Variants in OTULINL observed in about 807,000 individuals in gnomAD.
OTULINL encodes the protein OTU deubiquitinase with linear linkage specificity like.
A neutral mutation model predicts 43.9 loss-of-function variants in OTULINL; 42 were observed. The observed-to-expected ratio is 0.96, with a 90% CI of 0.75 to 1.24. The LOEUF is 1.24. Ranked by LOEUF, OTULINL falls within the 50% of genes most tolerant of loss-of-function variation. The pLI, the probability that OTULINL is intolerant of heterozygous loss-of-function variation, is 0.00. For missense variants in OTULINL, 411 were observed against 426.4 expected (o/e 0.96, Z 0.32); for synonymous variants, 172 against 153.6 (o/e 1.12, Z -0.88).
In OTULINL at chr5:14,610,439, C is replaced by A. The variant is rs1759563082; in HGVS notation, c.*125C>A. On this transcript the variant is annotated 3_prime_UTR_variant, in exon 8 of 8. Coordinates refer to ENST00000274217, the MANE Select transcript of OTULINL (RefSeq NM_019018.3). The stretch of plus-strand genomic sequence containing the variant: ...AATTAGGACCTTTTCTTCAGGATTA[C>A]AGGTACACTGGATGCAGCCATGCAT... The A allele has an allele frequency of 2.1e-6, 2 of 950,366 alleles. No homozygotes were observed. The highest frequency in any genetic ancestry group is 3.1e-6 in the Non-Finnish European group (2 of 642,736). 58.9% of individuals were successfully genotyped at this position (950,366 alleles called of 1,614,324 possible). A position where few individuals can be genotyped will look rare whatever the true frequency, so the allele number is the denominator to read the frequency against.
intron 1 of OTULINL, 126 bp from the exon 2 acceptor site, chr5:14,600,839 T>C: frequency 1.2e-6 from 1 of 846,690 alleles, no homozygotes; most frequent in South Asian, 3.9e-5. Flanking sequence ...AAAATATTTA[T>C]GTAAATCAGT....
rs1323123349 is a variant in OTULINL at position 14,613,514 on chromosome 5, T to A, written c.*3200T>A. Among the ~76,000 whole-genome samples the A allele has an allele frequency of 1.3e-5, 2 of 152,192 alleles. No homozygotes were observed. The highest frequency in any genetic ancestry group is 4.8e-5 in the African/African-American group (2 of 41,440). On this transcript the variant is annotated 3_prime_UTR_variant, in exon 8 of 8. Transcript: ENST00000274217. ...GGGAGTCAGGAGGAGAGAGTTAGGT[T>A]AGTTAGTACAACCTAAGAGGGAGTT...
chr5:14,603,495 A>G (rs1369865460), intron 5 of OTULINL, among the ~76,000 whole-genome samples: 1 of 152,086 alleles, frequency 6.6e-6, no homozygotes, highest in Non-Finnish European at 1.5e-5. Context: ...AGCACTTGAT[A>G]TTGTCAGGTT....
Position 14,602,301 on chromosome 5 carries a change from C to A in OTULINL, c.467C>A (p.Pro156Gln), listed in dbSNP as rs1266083995. Residue 156 changes from proline to glutamine, a missense_variant, in exon 5 of 8, where the codon CCA (proline) becomes CAA (glutamine). Pro to Gln is a moderately conservative substitution (Grantham distance 76). Transcript: ENST00000274217. The stretch of plus-strand genomic sequence containing the variant: ...ATATTCAGCCAGGGCATCTCTTTTC[C>A]ATCATGGATGAAAGAAAAGGACATT... ...FQIFSQGISF[P>Q]SWMKEKDIVK... The A allele has an allele frequency of 6.2e-7, 1 of 1,613,682 alleles. No homozygotes were observed. The highest frequency in any genetic ancestry group is 1.3e-5 in the African/African-American group (1 of 75,008).
intron 1 of OTULINL, among the ~76,000 whole-genome samples, chr5:14,583,830 C>T (rs553240546): frequency 6.6e-6 from 1 of 152,002 alleles, no homozygotes; most frequent in South Asian, 2.1e-4. Context: ...TTTTAGCATT[C>T]GAAATAACAG....
At chr5:14,591,130 C>T (rs1759194240) in intron 1 of OTULINL, among the ~76,000 whole-genome samples, 1 of 152,136 alleles carries the variant, frequency 6.6e-6, no homozygotes. Flanking sequence ...AACCAGACCA[C>T]GTGCCACCAA....
Position 14,612,477 on chromosome 5 carries a change from A to AT in OTULINL, c.*2166dup, listed in dbSNP as rs1332848162. 6.6e-6 allele frequency: 1 copy of AT among 152,226 alleles called. No individual in the cohort carries two copies. Among genetic ancestry groups the AT allele is most frequent in the African/African-American group, 2.4e-5 (1 of 41,466 alleles). 9.4% of individuals were successfully genotyped at this position (152,226 alleles called of 1,614,324 possible). A position where few individuals can be genotyped will look rare whatever the true frequency, so the allele number is the denominator to read the frequency against. On this transcript the variant is annotated 3_prime_UTR_variant, in exon 8 of 8. Coordinates refer to ENST00000274217, the MANE Select transcript of OTULINL (RefSeq NM_019018.3). The stretch of plus-strand genomic sequence containing the variant: ...TTTAGAGAACCAAGTTGCGAGAAAG[A>AT]TTTCAATCCAGTGAAAGTAAAAAGT...
intron 1 of OTULINL, among the ~76,000 whole-genome samples, chr5:14,593,078 G>A (rs1759232118): frequency 6.6e-6 from 1 of 152,208 alleles, no homozygotes; most frequent in South Asian, 2.1e-4. Flanking sequence ...CCTGCCAGGA[G>A]AATCCAGTCG....
rs1348757573 is a variant in OTULINL, at chr5:14,602,182, G to T, written c.349-1G>T. On this transcript the variant is annotated splice_acceptor_variant, in intron 4 of 7. Coordinates refer to ENST00000274217, the MANE Select transcript of OTULINL (RefSeq NM_019018.3). LOFTEE classifies it high-confidence loss of function. ...ACAACTTTCTCTTTTTATTTTATTA[G>T]GCTTATGAGGAGCTATTTTGGCGGC... is the stretch of plus-strand genomic sequence containing the variant. The T allele has an allele frequency of 6.3e-6, 10 of 1,582,042 alleles. No homozygotes were observed. Among genetic ancestry groups the T allele is most frequent in the Non-Finnish European group, 8.6e-6 (10 of 1,165,472 alleles).
intron 1 of OTULINL, among the ~76,000 whole-genome samples, chr5:14,592,407 C>A (rs1247359545): frequency 6.6e-6 from 1 of 152,204 alleles, no homozygotes; most frequent in African/African-American, 2.4e-5. Context: ...GTTCAGAGGG[C>A]ACAGCTCTAC....
At position 14,612,508 on chromosome 5, in the gene OTULINL, G is replaced by C. The variant is rs1246532573; in HGVS notation, c.*2194G>C. On this transcript the variant is annotated 3_prime_UTR_variant, in exon 8 of 8. Transcript: ENST00000274217. The stretch of plus-strand genomic sequence containing the variant: ...ATCCAGTGAAAGTAAAAAGTAAGAA[G>C]ACATTTAGATAGTTGCTATATTTTG... The C allele has an allele frequency of 6.6e-6, 1 of 152,198 alleles. No individual in the cohort carries two copies. The highest frequency in any genetic ancestry group is 2.4e-5 in the African/African-American group (1 of 41,448). 9.4% of individuals were successfully genotyped at this position (152,198 alleles called of 1,614,324 possible). A position where few individuals can be genotyped will look rare whatever the true frequency, so the allele number is the denominator to read the frequency against.
intron 1 of OTULINL, among the ~76,000 whole-genome samples, chr5:14,585,277 A>G (rs1290782311): frequency 6.6e-5 from 10 of 152,000 alleles, no homozygotes; most frequent in African/African-American, 2.4e-4. Flanking sequence ...GCTGTGGGGG[A>G]AAAAAAGCAT....
intron 1 of OTULINL, among the ~76,000 whole-genome samples, chr5:14,590,386 G>T (rs949358130): frequency 6.6e-6 from 1 of 152,176 alleles, no homozygotes; most frequent in Non-Finnish European, 1.5e-5. Context: ...GTTTCCAAGG[G>T]GTTTGAGAAT....
intron 1 of OTULINL, among the ~76,000 whole-genome samples, chr5:14,595,080 A>C (rs1759263595): frequency 6.6e-6 from 1 of 152,098 alleles, no homozygotes; most frequent in Non-Finnish European, 1.5e-5. Flanking sequence ...ATATTTCTTC[A>C]CTTTCTCTGC....
chr5:14,582,893 C>T (rs911831278), intron 1 of OTULINL, among the ~76,000 whole-genome samples: 1 of 151,334 alleles, frequency 6.6e-6, no homozygotes, highest in South Asian at 2.1e-4. Context: ...TGCTGGGTCT[C>T]GACGTCTCCA....
chr5:14,600,975 A>G lies in OTULINL; in HGVS notation c.75A>G (p.Gln25=), dbSNP rs1237636077. The G allele has an allele frequency of 1.4e-6, 2 of 1,412,310 alleles. No homozygotes were observed. The highest frequency in any genetic ancestry group is 2.8e-5 in the Admixed American group (1 of 36,172). The allele number at this position is 1,412,310 out of a possible 1,614,324, so 87.5% of individuals were successfully genotyped here. ...RSGAPAAGSD[Q]VHSWMLATSQ... ...TTGTAATTTTCATAGGAAGTGACCA[A>G]GTTCACTCCTGGATGCTAGCTACAA... Residue 25 remains glutamine (Q), a synonymous_variant, in exon 2 of 8, where the codon CAA becomes CAG. Transcript: ENST00000274217.
intron 1 of OTULINL, among the ~76,000 whole-genome samples, chr5:14,582,255 A>C (rs942950023): frequency 5.9e-5 from 9 of 151,664 alleles, no homozygotes; most frequent in African/African-American, 2.2e-4. Context: ...CCTGGAAGAA[A>C]GCCGGTCTTT....
chr5:14,586,851 T>C (rs1759108247), intron 1 of OTULINL, among the ~76,000 whole-genome samples: 1 of 151,944 alleles, frequency 6.6e-6, no homozygotes, highest in Non-Finnish European at 1.5e-5. Context: ...GAAAATCTCA[T>C]TAAACATCAA....
chr5:14,590,975 A>G (rs970469104), intron 1 of OTULINL, among the ~76,000 whole-genome samples: 4 of 152,216 alleles, frequency 2.6e-5, no homozygotes, highest in Non-Finnish European at 5.9e-5. Flanking sequence ...CGAATGTTTA[A>G]AAAACAAACC....
Sources: allele counts gnomAD v4.1 joint callset (sites outside exome capture counted in the v4.1 genomes callset), GRCh38; gene constraint gnomAD v4.1.1; transcripts MANE v1.5; gene names NCBI Gene and HGNC (gene_info 2026-07-23, HGNC 2026-07-21).